DAP: variants seen among roughly 807,000 people sequenced by gnomAD.
DAP encodes death-associated protein 1.
Under a neutral mutation model 13.8 loss-of-function variants are expected in DAP, and 8 were observed. The observed-to-expected ratio is 0.58, with a 90% confidence interval of 0.34 to 1.05. The LOEUF is 1.05. Among genes scored for constraint, DAP ranks in the 50% least tolerant of loss-of-function variants. The pLI is 0.03. For synonymous variants in DAP, 47 were observed against 47.5 expected (o/e 0.99, Z 0.04); for missense variants, 106 against 133.2 (o/e 0.80, Z 1.01).
intron 2 of DAP, among the ~76,000 whole-genome samples, chr5:10,737,456 T>C (rs5745201): frequency 6.6e-6 from 1 of 151,620 alleles, no homozygotes; most frequent in Middle Eastern, 3.2e-3. Context: ...ACACACATGG[T>C]AGAGAACAGG....
intron 2 of DAP, among the ~76,000 whole-genome samples, chr5:10,735,736 A>C (rs1367822050): frequency 6.6e-6 from 1 of 152,238 alleles, no homozygotes; most frequent in Non-Finnish European, 1.5e-5. Flanking sequence ...ACACTGGCAT[A>C]GGGGAAGAGA....
chr5:10,734,523 T>G (rs1163194140), intron 2 of DAP, among the ~76,000 whole-genome samples: 1 of 152,198 alleles, frequency 6.6e-6, no homozygotes, highest in Non-Finnish European at 1.5e-5. Context: ...ATTCACTGCC[T>G]GCCAGCCTCA....
intron 2 of DAP, among the ~76,000 whole-genome samples, chr5:10,718,723 G>A (rs1739059551): frequency 6.6e-6 from 1 of 152,204 alleles, no homozygotes; most frequent in Non-Finnish European, 1.5e-5. Flanking sequence ...CACATCTCCT[G>A]GTACCTGGTA....
chr5:10,726,230 TATC>T (rs1320179215), intron 2 of DAP, among the ~76,000 whole-genome samples: 1 of 152,234 alleles, frequency 6.6e-6, no homozygotes, highest in East Asian at 1.9e-4. Flanking sequence ...ATTAGGAAGT[TATC>T]ATTACTCACC....
At chr5:10,758,313 A>G (rs552115917) in intron 1 of DAP, among the ~76,000 whole-genome samples, 2 of 151,858 alleles carry the variant, frequency 1.3e-5, no homozygotes, top group African/African-American at 2.4e-5. Flanking sequence ...AGGTTCACAC[A>G]TGGTCCTCTG....
intron 2 of DAP, among the ~76,000 whole-genome samples, chr5:10,736,831 G>A (rs1739624091): frequency 6.6e-6 from 1 of 152,188 alleles, no homozygotes; most frequent in African/African-American, 2.4e-5. Flanking sequence ...GGGTCTTGCT[G>A]TACCTTCCTT....
chr5:10,697,794 A>G (rs1380370245), intron 2 of DAP, among the ~76,000 whole-genome samples: 1 of 152,200 alleles, frequency 6.6e-6, no homozygotes, highest in Non-Finnish European at 1.5e-5. Context: ...GTCTACTTCC[A>G]TCTCCGGAAG....
At chr5:10,701,195 G>C (rs1322533300) in intron 2 of DAP, among the ~76,000 whole-genome samples, 1 of 152,234 alleles carries the variant, frequency 6.6e-6, no homozygotes, top group African/African-American at 2.4e-5. Context: ...TGTTTAAAGT[G>C]AGATACATGC....
intron 1 of DAP, among the ~76,000 whole-genome samples, chr5:10,751,770 G>T (rs963371457): frequency 6.6e-6 from 1 of 152,184 alleles, no homozygotes; most frequent in Non-Finnish European, 1.5e-5. Flanking sequence ...CAAAGAAATG[G>T]CCTGCAAGGA....
At chr5:10,729,477 A>C (rs1360266186) in intron 2 of DAP, among the ~76,000 whole-genome samples, 1 of 152,216 alleles carries the variant, frequency 6.6e-6, no homozygotes, top group Non-Finnish European at 1.5e-5. Flanking sequence ...TATCACTCTG[A>C]AACTGCTACA....
At chr5:10,682,537 A>G (rs1240551111) in intron 3 of DAP, among the ~76,000 whole-genome samples, 1 of 151,502 alleles carries the variant, frequency 6.6e-6, no homozygotes. Flanking sequence ...GCCAGCGCCC[A>G]CCAGCGTCCC....
At chr5:10,701,909 G>A (rs1002680476) in intron 2 of DAP, among the ~76,000 whole-genome samples, 1 of 152,168 alleles carries the variant, frequency 6.6e-6, no homozygotes, top group Admixed American at 6.5e-5. Flanking sequence ...CATTTTTCAT[G>A]GAAGAAATGC....
intron 2 of DAP, among the ~76,000 whole-genome samples, chr5:10,732,398 C>T (rs1403641798): frequency 6.6e-6 from 1 of 152,208 alleles, no homozygotes; most frequent in East Asian, 1.9e-4. Flanking sequence ...CTGCCTGTGT[C>T]TATGCATTTG....
Position 10,681,092 on chromosome 5 carries a change from G to A in DAP, c.273C>T (p.Ser91=), listed in dbSNP as rs186153972. 4.5e-4 allele frequency: 724 copies of A among 1,595,988 alleles called. 2 individuals carry two copies. Among genetic ancestry groups the A allele is most frequent in the Non-Finnish European group, 1.5e-4 (180 of 1,170,268 alleles). The change falls in exon 4 of 4, where the codon TCC becomes TCT. Residue 91 remains serine (S), a synonymous_variant. Coordinates refer to ENST00000230895, the MANE Select transcript of DAP (RefSeq NM_004394.3). ...KPHASMDKHP[S]PRTQHIQQPR... Reference sequence around the variant, plus strand: ...GCTGCTGGATGTGCTGGGTTCTTGGGGAAGGATGCTTGTCCATGGAGGCAT... The same window carrying A: ...GCTGCTGGATGTGCTGGGTTCTTGGAGAAGGATGCTTGTCCATGGAGGCAT...
At chr5:10,693,235 C>T (rs957785226) in intron 2 of DAP, among the ~76,000 whole-genome samples, 1 of 152,150 alleles carries the variant, frequency 6.6e-6, no homozygotes, top group Admixed American at 6.6e-5. Context: ...AAAGGCATTA[C>T]TGGAGAGTTG....
rs1739623892 is a variant in DAP, at chr5:10,736,822, G to A, written c.152+11353C>T. ...AATCAGGCCTGCTTTTTATTCTGAGGGTCTTGCTGTACCTTCCTTACAGCT... is the reference window on the plus strand; with the variant it reads ...AATCAGGCCTGCTTTTTATTCTGAGAGTCTTGCTGTACCTTCCTTACAGCT... On this transcript the variant is annotated intron_variant, in intron 2 of 3. Coordinates refer to ENST00000230895, the MANE Select transcript of DAP (RefSeq NM_004394.3). Among the ~76,000 whole-genome samples, 3 of 152,132 alleles carry A rather than the reference G, an allele frequency of 2.0e-5. No homozygotes were observed. In the South Asian group the frequency reaches 6.2e-4, roughly 32 times the overall value.
At position 10,757,056 on chromosome 5, in the gene DAP, T is replaced by C. The variant is rs919226294; in HGVS notation, c.55+3958A>G. ...ATGATGCAGTGCCATCCATCACTTG[T>C]AAATAACAATACCTGTATTTGCACA... On this transcript the variant is annotated intron_variant, in intron 1 of 3. Coordinates refer to ENST00000230895, the MANE Select transcript of DAP (RefSeq NM_004394.3). Among the ~76,000 whole-genome samples, 3 of 152,180 alleles carry C rather than the reference T, an allele frequency of 2.0e-5. No homozygotes were observed. The East Asian group carries it at 5.8e-4, about 29-fold the overall frequency.
intron 2 of DAP, among the ~76,000 whole-genome samples, chr5:10,721,355 C>A (rs550170161): frequency 1.4e-4 from 21 of 152,222 alleles, no homozygotes; most frequent in Non-Finnish European, 2.9e-4. Flanking sequence ...AAGGGAGGAA[C>A]GCGGCTACCA....
At chr5:10,757,763 G>A (rs886434232) in intron 1 of DAP, among the ~76,000 whole-genome samples, 2 of 152,228 alleles carry the variant, frequency 1.3e-5, no homozygotes, top group Non-Finnish European at 2.9e-5. Flanking sequence ...CCTGCGCACA[G>A]TACAGAGAGC....
Sources: allele counts gnomAD v4.1 joint callset (sites outside exome capture counted in the v4.1 genomes callset), GRCh38; gene constraint gnomAD v4.1.1; transcripts MANE v1.5; gene names NCBI Gene and HGNC (gene_info 2026-07-23, HGNC 2026-07-21).